Variants in DMD observed in about 807,000 individuals in gnomAD.
The protein encoded by DMD is dystrophin.
DMD carries 63 observed loss-of-function variants against 330.1 expected under a neutral mutation model. The ratio of observed to expected loss-of-function variants is 0.19; its 90% CI spans 0.16 to 0.24. The LOEUF (loss-of-function observed/expected upper bound fraction) is 0.24. Among genes scored for constraint, DMD ranks in the 10% least tolerant of loss-of-function variants. The pLI is 1.00. For missense variants in DMD, 3,344 were observed against 2,684.1 expected, an observed-to-expected ratio of 1.25 and a Z score of -5.43; for synonymous variants, 1,223 against 959.8, an observed-to-expected ratio of 1.27 and a Z score of -5.07.
chrX:32,065,173 A>G (rs760287745), intron 44 of DMD, among the ~76,000 whole-genome samples: 1 of 111,722 alleles, frequency 9.0e-6, no homozygotes, highest in African/African-American at 3.2e-5. Context: ...AAGGATATCA[A>G]ACTTGAGAAG....
chrX:31,960,825 T>A (rs1342271087), intron 45 of DMD, among the ~76,000 whole-genome samples: 1 of 112,235 alleles, frequency 8.9e-6, no homozygotes, highest in African/African-American at 3.2e-5. Context: ...GAATTATGAA[T>A]GCCCTTGAAA....
At chrX:31,734,228 T>TA (rs1569315076) in intron 51 of DMD, among the ~76,000 whole-genome samples, 59 of 110,030 alleles carry the variant, frequency 5.4e-4, no homozygotes, top group African/African-American at 1.9e-3. Context: ...ATATATATAT[T>TA]TTTTTTCTGA....
chrX:32,778,978 A>G (rs1281725746), intron 7 of DMD, among the ~76,000 whole-genome samples: 2 of 111,713 alleles, frequency 1.8e-5, no homozygotes, highest in African/African-American at 6.5e-5. Flanking sequence ...TTTAAACAAA[A>G]AAGTCGTATC....
intron 44 of DMD, among the ~76,000 whole-genome samples, chrX:31,982,664 CA>C (rs1043307282): frequency 1.8e-5 from 2 of 110,521 alleles, no homozygotes; most frequent in African/African-American, 3.3e-5. Flanking sequence ...CTTACCAAAA[CA>C]AGGTATTTTT....
intron 34 of DMD, among the ~76,000 whole-genome samples, chrX:32,375,611 G>A (rs563327226): frequency 8.9e-6 from 1 of 111,978 alleles, no homozygotes. Context: ...AATATTACAA[G>A]TATCATTTAA....
At chrX:32,723,299 T>TC (rs975913864) in intron 7 of DMD, among the ~76,000 whole-genome samples, 1 of 111,245 alleles carries the variant, frequency 9.0e-6, no homozygotes, top group African/African-American at 3.3e-5. Flanking sequence ...CGGTTTATAA[T>TC]CCAATGTGTT....
At position 32,919,814 on chromosome X, in the gene DMD, T is replaced by C. The variant is rs180774716; in HGVS notation, c.94-69994A>G. 1.1e-4 allele frequency among the ~76,000 whole-genome samples: 12 copies of C among 111,481 alleles called. No individual in the cohort carries two copies. In the East Asian group the frequency reaches 3.4e-3, roughly 31 times the overall value. The stretch of plus-strand genomic sequence containing the variant: ...CTTTGATATTCAATTTCTCTGGAGA[T>C]ATATAACTATATATACCCTTCTTTC... On this transcript the variant is annotated intron_variant, in intron 2 of 78. Coordinates refer to ENST00000357033, the MANE Select transcript of DMD (RefSeq NM_004006.3).
At chrX:33,088,987 T>C (rs1183289018) in intron 1 of DMD, among the ~76,000 whole-genome samples, 1 of 109,726 alleles carries the variant, frequency 9.1e-6, no homozygotes. Flanking sequence ...GACACATATA[T>C]CTAAATGTGA....
intron 47 of DMD, among the ~76,000 whole-genome samples, chrX:31,878,344 T>C (rs1216978019): frequency 8.9e-6 from 1 of 112,092 alleles, no homozygotes; most frequent in Non-Finnish European, 1.9e-5. Context: ...AAACAAGCTC[T>C]GTTCCTAAAT....
chrX:32,682,590 A>G (rs1455868436), intron 9 of DMD, among the ~76,000 whole-genome samples: 8 of 111,892 alleles, frequency 7.1e-5, no homozygotes, highest in Admixed American at 9.5e-5. Context: ...TTATGCTTGA[A>G]GAGTTCATAT....
chrX:32,485,734 CTTTTTTTTT>C (rs5902034), intron 20 of DMD, among the ~76,000 whole-genome samples: 7 of 36,151 alleles, frequency 1.9e-4, no homozygotes, highest in East Asian at 1.3e-3. Context: ...GCAACCACTG[CTTTTTTTTT>C]TTTTTTTTTT....
chrX:32,309,184 A>G (rs1033853914), intron 42 of DMD, among the ~76,000 whole-genome samples: 1 of 111,528 alleles, frequency 9.0e-6, no homozygotes, highest in Non-Finnish European at 1.9e-5. Context: ...ACAAACAAAT[A>G]GCTTTATCCA....
chrX:32,852,703 A>C (rs1302561849), intron 2 of DMD, among the ~76,000 whole-genome samples: 1 of 110,005 alleles, frequency 9.1e-6, no homozygotes, highest in Non-Finnish European at 1.9e-5. Flanking sequence ...GTTTACTCCT[A>C]GTTAACTAAA....
At chrX:32,683,546 A>G (rs1478102181) in intron 9 of DMD, among the ~76,000 whole-genome samples, 3 of 105,566 alleles carry the variant, frequency 2.8e-5, no homozygotes, top group Non-Finnish European at 5.8e-5. Context: ...CGCAAGGACA[A>G]AAAACCAAAC....
chrX:33,152,871 A>T (rs780932959), intron 1 of DMD, among the ~76,000 whole-genome samples: 2 of 112,332 alleles, frequency 1.8e-5, no homozygotes, highest in South Asian at 7.3e-4. Context: ...GTACAAAAAA[A>T]ATACAATGGA....
chrX:31,376,258 T>C (rs2059879813), intron 60 of DMD, among the ~76,000 whole-genome samples: 1 of 112,331 alleles, frequency 8.9e-6, no homozygotes, highest in Admixed American at 9.5e-5. Flanking sequence ...TGCATCATGA[T>C]ACAAAAGAAA....
At chrX:32,591,534 T>C (rs920207425) in intron 13 of DMD, among the ~76,000 whole-genome samples, 1 of 112,222 alleles carries the variant, frequency 8.9e-6, no homozygotes, top group African/African-American at 3.2e-5. Flanking sequence ...AACCACGCTC[T>C]CTTGATTTAC....
chrX:32,843,687 G>C (rs1203432314), intron 4 of DMD, among the ~76,000 whole-genome samples: 1 of 111,941 alleles, frequency 8.9e-6, no homozygotes, highest in African/African-American at 3.2e-5. Context: ...CTTTGAAAGA[G>C]AGAGGTAATG....
At chrX:32,515,822 C>T (rs1032544648) in intron 18 of DMD, among the ~76,000 whole-genome samples, 1 of 111,577 alleles carries the variant, frequency 9.0e-6, no homozygotes, top group East Asian at 2.8e-4. Flanking sequence ...CAGATAATGT[C>T]AATATTGGTG....
Sources: gnomAD v4.1 joint callset for allele counts (sites outside exome capture counted in the v4.1 genomes callset) on GRCh38, gnomAD v4.1.1 for gene constraint, MANE v1.5 for transcripts, NCBI Gene and HGNC (gene_info 2026-07-23, HGNC 2026-07-21) for gene names.